Variants in SLC41A1 observed in about 807,000 individuals in gnomAD.
SLC41A1 encodes solute carrier family 41 member 1.
In SLC41A1, 20 loss-of-function variants were observed where a neutral mutation model predicts 47.3. That is an observed-to-expected ratio of 0.42 (90% CI 0.30 to 0.61). The LOEUF (loss-of-function observed/expected upper bound fraction) is 0.61. Ranked by LOEUF, SLC41A1 falls within the 20% of genes least tolerant of loss-of-function variation. The pLI, the probability that SLC41A1 is intolerant of heterozygous loss-of-function variation, is 0.17. For synonymous variants in SLC41A1, 282 were observed against 272.7 expected (o/e 1.03, Z -0.34); for missense variants, 504 against 674.1 (o/e 0.75, Z 2.79).
intron 7 of SLC41A1, 81 bp downstream of exon 7, chr1:205,797,823 C>T: frequency 3.2e-6 from 5 of 1,572,860 alleles, no homozygotes; most frequent in Non-Finnish European, 4.4e-6. Context: ...CTGACCCCCA[C>T]CCCATCTCTC....
At chr1:205,801,328 G>A (rs1313811446) in intron 2 of SLC41A1, 2 of 424,430 alleles carry the variant, frequency 4.7e-6, no homozygotes, top group African/African-American at 4.1e-5. Flanking sequence ...TACCTTTTCT[G>A]TTTTCCTGGA....
At chr1:205,795,560 T>A in intron 8 of SLC41A1, 82 bp from the exon 9 acceptor site, 1 of 1,534,666 alleles carries the variant, frequency 6.5e-7, no homozygotes, top group Non-Finnish European at 8.9e-7. Context: ...ACTCTTTGTC[T>A]TCTATCTATA....
intron 2 of SLC41A1, among the ~76,000 whole-genome samples, chr1:205,809,424 T>G (rs1656091368): frequency 6.6e-6 from 1 of 152,210 alleles, no homozygotes. Flanking sequence ...CCTAGTTACA[T>G]TTTGTCCCCA....
At chr1:205,798,887 G>C (rs41264903) in intron 5 of SLC41A1, 70 bp downstream of exon 5, 90 of 1,614,190 alleles carry the variant, frequency 5.6e-5, no homozygotes, top group Non-Finnish European at 7.3e-5. Flanking sequence ...CAAAAAGAGA[G>C]AGTGGAAGTG....
rs865949257 is a variant in SLC41A1, at chr1:205,811,078, T to C, written c.-637A>G. On this transcript the variant is annotated 5_prime_UTR_variant, in exon 2 of 11. Transcript: ENST00000367137. ...TGGTCCTTAAAGTCACGAGAATCAGTGTGGAACACCTTATGTGGGAAGGAG... is the reference window on the plus strand; with the variant it reads ...TGGTCCTTAAAGTCACGAGAATCAGCGTGGAACACCTTATGTGGGAAGGAG... 6.5e-6 allele frequency: 1 copy of C among 154,482 alleles called. No homozygotes were observed. Among genetic ancestry groups the C allele is most frequent in the Admixed American group, 6.4e-5 (1 of 15,730 alleles). The allele number at this position is 154,482 out of a possible 1,614,324, so 9.6% of individuals were successfully genotyped here. A position where few individuals can be genotyped will look rare whatever the true frequency, so the allele number is the denominator to read the frequency against.
intron 3 of SLC41A1, 45 bp from the exon 4 acceptor site, chr1:205,799,875 G>A (rs1159283904): frequency 1.9e-6 from 3 of 1,564,810 alleles, no homozygotes; most frequent in African/African-American, 2.7e-5. Flanking sequence ...GCTGGAAAAG[G>A]CCTGAAGCTC....
At chr1:205,795,295 C>G in intron 9 of SLC41A1, 49 bp downstream of exon 9, 1 of 1,613,804 alleles carries the variant, frequency 6.2e-7, no homozygotes, top group South Asian at 1.1e-5. Flanking sequence ...AGCTCACTGA[C>G]AGTAGGCCCA....
chr1:205,796,465 CT>C, intron 8 of SLC41A1: 1 of 88,672 alleles, frequency 1.1e-5, no homozygotes, highest in Non-Finnish European at 2.1e-5. Context: ...AGGTTTGCCT[CT>C]CTTGTTTTGC....
intron 1 of SLC41A1, 146 bp downstream of exon 1, chr1:205,812,658 CATTT>C: frequency 1.3e-6 from 1 of 784,190 alleles, no homozygotes; most frequent in Non-Finnish European, 1.5e-6. Context: ...AAAAAAGACC[CATTT>C]TAGTATCCCC....
In SLC41A1 at chr1:205,810,695, T is replaced by C. The variant is rs1169880019; in HGVS notation, c.-254A>G. 1.8e-6 allele frequency: 1 copy of C among 560,758 alleles called. No homozygotes were observed. Among genetic ancestry groups the C allele is most frequent in the African/African-American group, 1.9e-5 (1 of 53,070 alleles). The allele number at this position is 560,758 out of a possible 1,614,324, so 34.7% of individuals were successfully genotyped here. A position where few individuals can be genotyped will look rare whatever the true frequency, so the allele number is the denominator to read the frequency against. ...ACCAGACAGCCACTAGGGGTGCAGA[T>C]GCCTGACTCCAACCCACCAGCTCTG... is the stretch of plus-strand genomic sequence containing the variant. On this transcript the variant is annotated 5_prime_UTR_variant, in exon 2 of 11. Transcript: ENST00000367137. The surrounding 1 kb of genome is among the most constrained non-coding windows in gnomAD (Gnocchi z 5.5).
chr1:205,797,625 G>C (rs1477550864), intron 7 of SLC41A1, among the ~76,000 whole-genome samples: 1 of 152,240 alleles, frequency 6.6e-6, no homozygotes, highest in East Asian at 1.9e-4. Context: ...CCATGACAGA[G>C]AAGAGCAGAG....
rs1245273440 is a variant in SLC41A1 at position 205,798,753 on chromosome 1, C to T, written c.760G>A (p.Ala254Thr). The stretch of plus-strand genomic sequence containing the variant: ...CCCAGGCTGGCAGCAATGGGTGTGG[C>T]CACGTTGTCTGGGTTGATCCCAATC... ...RKIGINPDNV[A>T]TPIAASLGDL... The change falls in exon 6 of 11, where the codon GCC becomes ACC. Residue 254 changes from alanine (A) to threonine (T), a missense_variant. Coordinates refer to ENST00000367137, the MANE Select transcript of SLC41A1 (RefSeq NM_173854.6). 1 of 1,614,116 alleles carries T rather than the reference C, an allele frequency of 6.2e-7. No individual in the cohort carries two copies. Among genetic ancestry groups the T allele is most frequent in the Admixed American group, 1.7e-5 (1 of 60,022 alleles).
chr1:205,795,185 G>T (rs1339196430), intron 9 of SLC41A1, among the ~76,000 whole-genome samples, 159 bp downstream of exon 9: 2 of 152,184 alleles, frequency 1.3e-5, no homozygotes, highest in Non-Finnish European at 2.9e-5. Context: ...TCCAGGAAAA[G>T]ACAGCCCTCC....
intron 4 of SLC41A1, 108 bp from the exon 5 acceptor site, chr1:205,799,209 G>C: frequency 2.0e-6 from 3 of 1,479,520 alleles, no homozygotes; most frequent in East Asian, 2.4e-5. Context: ...AGCCCCAGGA[G>C]GCAGGCTGGA....
rs1044906121 is a variant in SLC41A1 at position 205,791,663 on chromosome 1, C to T, written c.1412G>A (p.Gly471Asp). ...GATGGAGAAGTTGTCCGGGTCCAGGCCCCGGCCCCACATCCAGTGCACCAT... is the reference window on the plus strand; with the variant it reads ...GATGGAGAAGTTGTCCGGGTCCAGGTCCCGGCCCCACATCCAGTGCACCAT... ...DWMVHWMWGR[G>D]LDPDNFSIPY... is the part of the protein sequence containing the mutation. Residue 471 changes from glycine to aspartate, a missense_variant, in exon 11 of 11, where the codon GGC becomes GAC. Physicochemically the swap from Gly to Asp is moderately conservative, Grantham distance 94. Around this residue, in one of 2 missense-constraint regions of SLC41A1, gnomAD observed 421 missense variants for 601.6 expected, o/e 0.70. Transcript: ENST00000367137. This position sits in a 1 kb window ranked among gnomAD's most constrained non-coding sequence, Gnocchi z 4.0. 1.2e-6 allele frequency: 2 copies of T among 1,614,062 alleles called. No individual in the cohort carries two copies. Among genetic ancestry groups the T allele is most frequent in the Non-Finnish European group, 8.5e-7 (1 of 1,179,998 alleles).
chr1:205,799,255 C>G (rs1321145134), intron 4 of SLC41A1, among the ~76,000 whole-genome samples, 154 bp from the exon 5 acceptor site: 1 of 152,138 alleles, frequency 6.6e-6, no homozygotes, highest in Non-Finnish European at 1.5e-5. Flanking sequence ...GGAAGGATGT[C>G]TTTATTTATT....
Position 205,791,688 on chromosome 1 carries a change from T to A in SLC41A1, c.1387A>T (p.Met463Leu). ...CCCCGGCCCCACATCCAGTGCACCA[T>A]CCAGTCTGCGATGTACAGGAGAATC... is the stretch of plus-strand genomic sequence containing the variant. Reference protein sequence around the residue: ...VLILLYIADWMVHWMWGRGLD... With the variant: ...VLILLYIADWLVHWMWGRGLD... The change falls in exon 11 of 11, where the codon ATG (methionine) becomes TTG (leucine). Residue 463 changes from methionine (M) to leucine (L), a missense_variant. Met to Leu is a conservative substitution (Grantham distance 15, BLOSUM62 2). Transcript: ENST00000367137. This position sits in a 1 kb window ranked among gnomAD's most constrained non-coding sequence, Gnocchi z 4.0. 6.2e-7 allele frequency: 1 copy of A among 1,613,854 alleles called. No individual in the cohort carries two copies. Among genetic ancestry groups the A allele is most frequent in the Non-Finnish European group, 8.5e-7 (1 of 1,179,990 alleles).
chr1:205,807,711 A>G (rs1656048132), intron 2 of SLC41A1, among the ~76,000 whole-genome samples: 1 of 126,230 alleles, frequency 7.9e-6, no homozygotes. Flanking sequence ...GCTGGAGTGC[A>G]GTGGTACAAT....
intron 2 of SLC41A1, among the ~76,000 whole-genome samples, chr1:205,807,396 T>A (rs2102510102): frequency 6.6e-6 from 1 of 152,206 alleles, no homozygotes; most frequent in East Asian, 1.9e-4. Flanking sequence ...TGAGAGCAGC[T>A]CCAAAGGTTC....
Sources: allele counts gnomAD v4.1 joint callset (sites outside exome capture counted in the v4.1 genomes callset), GRCh38; gene constraint gnomAD v4.1.1; regional missense constraint gnomAD v4.1.1; non-coding constraint Gnocchi (gnomAD v3.1); transcripts MANE v1.5; gene names NCBI Gene and HGNC (gene_info 2026-07-23, HGNC 2026-07-21).